OCIAD2: variants seen among roughly 807,000 people sequenced by gnomAD.
The protein encoded by OCIAD2 is OCIA domain-containing protein 2.
A neutral mutation model predicts 22.9 loss-of-function variants in OCIAD2; 29 were observed. The observed-to-expected ratio is 1.27, with a 90% confidence interval of 0.94 to 1.73. The LOEUF (loss-of-function observed/expected upper bound fraction) is 1.73. Ranked by LOEUF, OCIAD2 falls within the 40% of genes most tolerant of loss-of-function variation. The probability of loss-of-function intolerance (pLI) is 0.00; values close to 1 mark genes in which losing one functional copy is unlikely to be tolerated. For synonymous variants in OCIAD2, 67 were observed against 60.2 expected (o/e 1.11, Z -0.52); for missense variants, 189 against 180.3 (o/e 1.05, Z -0.28).
intron 2 of OCIAD2, among the ~76,000 whole-genome samples, chr4:48,901,061 T>G (rs1166011857): frequency 1.3e-5 from 2 of 152,228 alleles, no homozygotes; most frequent in Non-Finnish European, 2.9e-5. Context: ...TTAATGTGGT[T>G]CTTTTATTTC....
At chr4:48,896,783 T>C (rs1458554521) in intron 4 of OCIAD2, among the ~76,000 whole-genome samples, 1 of 147,236 alleles carries the variant, frequency 6.8e-6, no homozygotes, top group African/African-American at 2.5e-5. Context: ...AAAAAAAAAA[T>C]AGCAAAATCC....
chr4:48,888,142 G>A (rs1476907404), intron 6 of OCIAD2, among the ~76,000 whole-genome samples: 1 of 152,096 alleles, frequency 6.6e-6, no homozygotes, highest in African/African-American at 2.4e-5. Flanking sequence ...TCTGTTGCTT[G>A]TTGTTGGTGT....
At chr4:48,887,060 G>T (rs1258092331) in intron 6 of OCIAD2, among the ~76,000 whole-genome samples, 1 of 152,174 alleles carries the variant, frequency 6.6e-6, no homozygotes, top group Non-Finnish European at 1.5e-5. Flanking sequence ...GTATCTCATT[G>T]TGGTTTTGAT....
intron 4 of OCIAD2, chr4:48,897,065 G>T (rs1013594765): frequency 2.0e-5 from 3 of 152,630 alleles, no homozygotes; most frequent in African/African-American, 7.2e-5. Flanking sequence ...AAAAGAAATG[G>T]TGTGGTGGAC....
chr4:48,897,730 CA>C lies in OCIAD2; in HGVS notation c.217+73del, dbSNP rs1448587692. The C allele has an allele frequency of 3.4e-5, 39 of 1,143,326 alleles. No homozygotes were observed. In the East Asian group the frequency reaches 8.4e-4, roughly 25 times the overall value. The allele number at this position is 1,143,326 out of a possible 1,614,324, so 70.8% of individuals were successfully genotyped here. On this transcript the variant is annotated intron_variant, in intron 4 of 6. Coordinates refer to ENST00000508632, the MANE Select transcript of OCIAD2 (RefSeq NM_001014446.3). ...TCACCAAAAAATAAATGTCAAGGGC[CA>C]AAAAGCTGCCAGGAGGGTCACAGTA...
chr4:48,894,874 G>A (rs535989170), intron 4 of OCIAD2, among the ~76,000 whole-genome samples: 1 of 152,168 alleles, frequency 6.6e-6, no homozygotes, highest in Admixed American at 6.5e-5. Context: ...CCGAATTCCT[G>A]GAAAAGGTGA....
At chr4:48,905,559 G>C (rs576160816) in intron 1 of OCIAD2, among the ~76,000 whole-genome samples, 1 of 152,176 alleles carries the variant, frequency 6.6e-6, no homozygotes, top group Non-Finnish European at 1.5e-5. Flanking sequence ...ATTTGGCAAT[G>C]ATGGACATAA....
chr4:48,887,299 C>CT (rs1781018312), intron 6 of OCIAD2, among the ~76,000 whole-genome samples: 1 of 152,116 alleles, frequency 6.6e-6, no homozygotes, highest in Non-Finnish European at 1.5e-5. Flanking sequence ...CCTGTTCACT[C>CT]TGATGGTAGT....
chr4:48,906,216 C>T (rs1488550455), intron 1 of OCIAD2, among the ~76,000 whole-genome samples: 2 of 152,164 alleles, frequency 1.3e-5, no homozygotes, highest in Admixed American at 1.3e-4. Context: ...GTGTAGCTCC[C>T]ACCCCCCACG....
At chr4:48,893,853 T>C in intron 5 of OCIAD2, 153 bp downstream of exon 5, 1 of 367,990 alleles carries the variant, frequency 2.7e-6, no homozygotes, top group African/African-American at 2.1e-5. Flanking sequence ...ATTTATTACT[T>C]TTTAAAAAAA....
At chr4:48,888,472 T>G (rs556873929) in intron 6 of OCIAD2, among the ~76,000 whole-genome samples, 2 of 152,324 alleles carry the variant, frequency 1.3e-5, no homozygotes, top group Admixed American at 1.3e-4. Flanking sequence ...GGCTGTGGGT[T>G]TGTCATAAAT....
chr4:48,889,031 C>G, intron 6 of OCIAD2, among the ~76,000 whole-genome samples: 1 of 152,102 alleles, frequency 6.6e-6, no homozygotes, highest in East Asian at 1.9e-4. Flanking sequence ...TATTAGTCTA[C>G]TGAAGGGATT....
rs111726847 is a variant in OCIAD2 at position 48,897,477 on chromosome 4, C to T, written c.217+327G>A. 3.6e-3 allele frequency among the ~76,000 whole-genome samples: 554 copies of T among 152,276 alleles called. 3 individuals carry two copies. Among genetic ancestry groups the T allele is most frequent in the African/African-American group, 0.013 (525 of 41,562 alleles). On this transcript the variant is annotated intron_variant, in intron 4 of 6. Coordinates refer to ENST00000508632, the MANE Select transcript of OCIAD2 (RefSeq NM_001014446.3). ...CCTCTCTGATTCCATCTTCAGATCC[C>T]GCCTTTCACTTGTAAGGACCCTTTC...
chr4:48,904,243 G>A (rs1239426742), intron 2 of OCIAD2, among the ~76,000 whole-genome samples: 2 of 152,118 alleles, frequency 1.3e-5, no homozygotes, highest in African/African-American at 4.8e-5. Flanking sequence ...ATTGAGGCCA[G>A]GTGTTTGAGA....
At chr4:48,906,402 C>G (rs892408626) in intron 1 of OCIAD2, among the ~76,000 whole-genome samples, 1 of 152,180 alleles carries the variant, frequency 6.6e-6, no homozygotes, top group Non-Finnish European at 1.5e-5. Flanking sequence ...ACGGGGGACA[C>G]TGCACTTTCT....
At chr4:48,900,238 G>C (rs993442775) in intron 2 of OCIAD2, among the ~76,000 whole-genome samples, 6 of 152,156 alleles carry the variant, frequency 3.9e-5, no homozygotes, top group African/African-American at 1.4e-4. Flanking sequence ...CTACCTCCAT[G>C]CCTCTATGTG....
chr4:48,895,722 A>G (rs1420271673), intron 4 of OCIAD2, among the ~76,000 whole-genome samples: 1 of 152,204 alleles, frequency 6.6e-6, no homozygotes, highest in Non-Finnish European at 1.5e-5. Flanking sequence ...TACTTATAAA[A>G]CATAATCCTG....
chr4:48,885,637 T>G, intron 6 of OCIAD2, 72 bp from the exon 7 acceptor site: 7 of 778,414 alleles, frequency 9.0e-6, no homozygotes, highest in Non-Finnish European at 1.6e-5. Flanking sequence ...CATAACATAT[T>G]ATTCTTATTA....
At chr4:48,893,762 A>G (rs1398119684) in intron 5 of OCIAD2, 1 of 262,564 alleles carries the variant, frequency 3.8e-6, no homozygotes, top group African/African-American at 2.2e-5. Flanking sequence ...ATTTTTCCAA[A>G]AGTCAATACA....
Sources: gnomAD v4.1 joint callset for allele counts (sites outside exome capture counted in the v4.1 genomes callset) on GRCh38, gnomAD v4.1.1 for gene constraint, MANE v1.5 for transcripts, NCBI Gene and HGNC (gene_info 2026-07-23, HGNC 2026-07-21) for gene names.